TSHR: variants seen among roughly 807,000 people sequenced by gnomAD.
The protein encoded by TSHR is thyrotropin receptor.
TSHR carries 51 observed loss-of-function variants against 64.1 expected under a neutral mutation model. The observed-to-expected ratio is 0.80, with a 90% CI of 0.64 to 1.01. TSHR has a LOEUF of 1.01. Among genes scored for constraint, TSHR ranks in the 50% least tolerant of loss-of-function variants. The pLI is 0.00. For synonymous variants in TSHR, 361 were observed against 361.9 expected, an observed-to-expected ratio of 1.00 and a Z score of 0.03; for missense variants, 877 against 942.8, an observed-to-expected ratio of 0.93 and a Z score of 0.91.
intron 8 of TSHR, among the ~76,000 whole-genome samples, chr14:81,125,665 T>A (rs1357100391): frequency 3.3e-5 from 5 of 151,956 alleles, no homozygotes; most frequent in Admixed American, 1.3e-4. Flanking sequence ...TTGGTGCAGC[T>A]CCCTTGGAGA....
In TSHR at chr14:81,094,813, A is replaced by T. The variant is rs953025939; in HGVS notation, c.546-1826A>T. Among the ~76,000 whole-genome samples, 3 of 150,746 alleles carry T rather than the reference A, an allele frequency of 2.0e-5. No individual in the cohort carries two copies. In the East Asian group the frequency reaches 5.9e-4, roughly 30 times the overall value. ...GCAATTCTCCTGCCTCAGCCTCCCGAATAGCTCCTTTTAACATGGTCACCT... is the reference window on the plus strand; with the variant it reads ...GCAATTCTCCTGCCTCAGCCTCCCGTATAGCTCCTTTTAACATGGTCACCT... On this transcript the variant is annotated intron_variant, in intron 6 of 9. Transcript: ENST00000298171.
chr14:80,988,766 TC>T (rs1177155710), intron 1 of TSHR, among the ~76,000 whole-genome samples: 1 of 152,198 alleles, frequency 6.6e-6, no homozygotes, highest in Admixed American at 6.5e-5. Flanking sequence ...TCCTTCAACA[TC>T]CTTTATGCTG....
At chr14:81,002,132 T>C (rs58266067) in intron 1 of TSHR, among the ~76,000 whole-genome samples, 50,741 of 152,042 alleles carry the variant, frequency 0.33, 8,857 homozygotes, top group East Asian at 0.57. Flanking sequence ...GGGATTGTTT[T>C]AAAGTACAGC....
intron 9 of TSHR, among the ~76,000 whole-genome samples, chr14:81,142,027 C>T (rs1390653377): frequency 6.6e-6 from 1 of 152,150 alleles, no homozygotes; most frequent in East Asian, 1.9e-4. Context: ...CATGGGCCTA[C>T]CCAAGCTAGT....
chr14:81,128,945 CA>C (rs1192224850), intron 8 of TSHR, among the ~76,000 whole-genome samples: 1 of 152,188 alleles, frequency 6.6e-6, no homozygotes, highest in Non-Finnish European at 1.5e-5. Flanking sequence ...CCCCTTTACT[CA>C]TGGAGGATAT....
intron 1 of TSHR, among the ~76,000 whole-genome samples, chr14:81,002,619 C>T: frequency 6.6e-6 from 1 of 152,032 alleles, no homozygotes; most frequent in Non-Finnish European, 1.5e-5. Context: ...CGCCCTATTC[C>T]CTCCATAGTT....
chr14:80,957,497 A>G (rs548701619), intron 1 of TSHR, among the ~76,000 whole-genome samples: 63 of 152,318 alleles, frequency 4.1e-4, no homozygotes, highest in Non-Finnish European at 8.8e-5. Context: ...GAATAAATAA[A>G]CAAATGAATA....
chr14:80,978,023 G>A (rs2284722), intron 1 of TSHR, among the ~76,000 whole-genome samples: 40,812 of 151,384 alleles, frequency 0.27, 6,469 homozygotes, highest in South Asian at 0.38. Flanking sequence ...CAAAAATCCA[G>A]CTAATTCCTT....
At chr14:81,053,211 T>C (rs1885534344) in intron 1 of TSHR, 1 of 152,096 alleles carries the variant, frequency 6.6e-6, no homozygotes, top group Admixed American at 6.6e-5. Context: ...TATCCCAGCT[T>C]AAAGACAAGC....
rs11315908 is a variant in TSHR at position 81,079,860 on chromosome 14, GAA to G, written c.318-8079_318-8078del. Among the ~76,000 whole-genome samples the G allele has an allele frequency of 1.3e-3, 118 of 89,614 alleles. 1 individual carries two copies. The highest frequency in any genetic ancestry group is 2.7e-3 in the African/African-American group (81 of 30,166). 58.8% of individuals were successfully genotyped at this position (89,614 alleles called of 152,430 possible). On this transcript the variant is annotated intron_variant, in intron 3 of 9. Coordinates refer to ENST00000298171, the MANE Select transcript of TSHR (RefSeq NM_000369.5). ...ACAGAATGAGACCCCTAGCTCAAAA[GAA>G]AAAAAAAAAAAAAAGCAAAGAAAAA...
chr14:81,067,483 T>TTATATATATATATATATATATATATA (rs71103896), intron 2 of TSHR, among the ~76,000 whole-genome samples: 69 of 134,926 alleles, frequency 5.1e-4, no homozygotes, highest in South Asian at 2.4e-3. Flanking sequence ...GTTTATAGTT[T>TTATATATATATATATATATATATATA]TATATATATA....
At chr14:81,044,494 T>TA (rs1166834801) in intron 1 of TSHR, among the ~76,000 whole-genome samples, 2 of 151,906 alleles carry the variant, frequency 1.3e-5, no homozygotes, top group African/African-American at 4.8e-5. Flanking sequence ...CCTTCTCTAC[T>TA]AAAAACACAA....
At chr14:81,142,093 T>A (rs896614088) in intron 9 of TSHR, among the ~76,000 whole-genome samples, 1 of 152,160 alleles carries the variant, frequency 6.6e-6, no homozygotes. Flanking sequence ...CACATTTTTT[T>A]TTTAAACAGA....
chr14:81,084,296 A>C (rs1234258632), intron 3 of TSHR, among the ~76,000 whole-genome samples: 1 of 152,174 alleles, frequency 6.6e-6, no homozygotes, highest in Non-Finnish European at 1.5e-5. Flanking sequence ...TTTATAGAGA[A>C]TATATAAAGC....
At chr14:81,035,774 A>G (rs1470153370) in intron 1 of TSHR, among the ~76,000 whole-genome samples, 1 of 152,152 alleles carries the variant, frequency 6.6e-6, no homozygotes, top group Non-Finnish European at 1.5e-5. Flanking sequence ...TACCCCTTAC[A>G]TTGCATAATT....
chr14:81,006,697 T>C (rs1010294090), intron 1 of TSHR, among the ~76,000 whole-genome samples: 14 of 152,004 alleles, frequency 9.2e-5, no homozygotes, highest in African/African-American at 3.1e-4. Context: ...ATTTTTTTAG[T>C]AGAAATGGGG....
At chr14:81,022,266 T>A (rs1384032763) in intron 1 of TSHR, among the ~76,000 whole-genome samples, 3 of 152,074 alleles carry the variant, frequency 2.0e-5, no homozygotes, top group Non-Finnish European at 1.5e-5. Flanking sequence ...CGAGACTCCG[T>A]CTCAAAAACA....
intron 1 of TSHR, chr14:80,992,121 G>A (rs1888755989): frequency 6.6e-6 from 1 of 152,180 alleles, no homozygotes; most frequent in African/African-American, 2.4e-5. Context: ...ATAAAAATGG[G>A]CTGGGCGTGG....
chr14:81,093,648 A>G (rs1397016925), intron 6 of TSHR: 1 of 152,190 alleles, frequency 6.6e-6, no homozygotes, highest in Non-Finnish European at 1.5e-5. Flanking sequence ...TTCCTAGTTT[A>G]TCAGTTTGGG....
Sources: gnomAD v4.1 joint callset for allele counts (sites outside exome capture counted in the v4.1 genomes callset) on GRCh38, gnomAD v4.1.1 for gene constraint, MANE v1.5 for transcripts, NCBI Gene and HGNC (gene_info 2026-07-23, HGNC 2026-07-21) for gene names.